The following RAB35 variants were observed in gnomAD, a reference collection of about 807,000 sequenced individuals.
RAB35 encodes ras-related protein Rab-35.
A neutral mutation model predicts 28.9 loss-of-function variants in RAB35; 4 were observed. That is an observed-to-expected ratio of 0.14 (90% confidence interval 0.07 to 0.32). The LOEUF (loss-of-function observed/expected upper bound fraction) is 0.32. Ranked by LOEUF, RAB35 falls within the 10% of genes least tolerant of loss-of-function variation. RAB35 has a pLI of 1.00. For missense variants in RAB35, 128 were observed against 274.0 expected, an observed-to-expected ratio of 0.47 and a Z score of 3.76; for synonymous variants, 99 against 105.1, an observed-to-expected ratio of 0.94 and a Z score of 0.35.
intron 2 of RAB35, among the ~76,000 whole-genome samples, chr12:120,105,916 CAAAAAAAAAAAA>C (rs61681731): frequency 2.0e-5 from 1 of 49,816 alleles, no homozygotes; most frequent in Non-Finnish European, 4.6e-5. Flanking sequence ...GACTCCGTCT[CAAAAAAAAAAAA>C]AAAAAAAAAA....
chr12:120,098,785 A>G, intron 5 of RAB35, 26 bp downstream of exon 5: 1 of 1,613,572 alleles, frequency 6.2e-7, no homozygotes, highest in Non-Finnish European at 8.5e-7. Context: ...GGTGTGTGGC[A>G]GAGCCACAGT....
intron 1 of RAB35, among the ~76,000 whole-genome samples, chr12:120,112,960 G>A (rs1369936778): frequency 1.3e-5 from 2 of 149,146 alleles, no homozygotes; most frequent in Non-Finnish European, 3.0e-5. Context: ...GCACGATCTC[G>A]GCTCACTGCA....
intron 2 of RAB35, among the ~76,000 whole-genome samples, chr12:120,107,116 G>T (rs1019870703): frequency 1.1e-4 from 16 of 151,972 alleles, no homozygotes; most frequent in African/African-American, 3.4e-4. Flanking sequence ...AGCCTCCCCA[G>T]TCGCTAGGAT....
intron 2 of RAB35, among the ~76,000 whole-genome samples, chr12:120,106,591 CTTT>C (rs10709764): frequency 1.4e-4 from 14 of 102,732 alleles, no homozygotes; most frequent in Admixed American, 4.2e-4. Flanking sequence ...CTTTCTTTTT[CTTT>C]TTTTTTTTTT....
intron 1 of RAB35, among the ~76,000 whole-genome samples, chr12:120,109,627 T>G (rs900783974): frequency 6.0e-5 from 9 of 150,734 alleles, no homozygotes; most frequent in Middle Eastern, 3.5e-3. Context: ...TTATTTTTAG[T>G]AGGGACAGAG....
At chr12:120,112,042 G>A (rs966297990) in intron 1 of RAB35, among the ~76,000 whole-genome samples, 5 of 150,868 alleles carry the variant, frequency 3.3e-5, no homozygotes, top group African/African-American at 7.3e-5. Context: ...GTACGGTGGC[G>A]CGATCTTGGC....
At chr12:120,100,828 G>A (rs575778544) in intron 3 of RAB35, among the ~76,000 whole-genome samples, 59 of 152,336 alleles carry the variant, frequency 3.9e-4, no homozygotes, top group Middle Eastern at 3.4e-3. Flanking sequence ...TGCTGAGAGC[G>A]CCGGGTCAGC....
At chr12:120,098,615 GTATAATTGTACC>G (rs1218565196) in intron 5 of RAB35, among the ~76,000 whole-genome samples, 184 bp downstream of exon 5, 1 of 152,240 alleles carries the variant, frequency 6.6e-6, no homozygotes, top group Non-Finnish European at 1.5e-5. Flanking sequence ...TGAAATGTGG[GTATAATTGTACC>G]TACCTCAGAG....
chr12:120,108,728 TGG>T, intron 1 of RAB35: 1 of 631,908 alleles, frequency 1.6e-6, no homozygotes, highest in Non-Finnish European at 2.9e-6. Flanking sequence ...AGAAAGGGAC[TGG>T]TGCCCAGGCC....
intron 2 of RAB35, among the ~76,000 whole-genome samples, chr12:120,107,730 G>A (rs1011652781): frequency 3.5e-4 from 53 of 151,834 alleles, no homozygotes; most frequent in African/African-American, 1.1e-3. Flanking sequence ...AGTCGGGCGT[G>A]GTGGCAGGTG....
rs776008431 is a variant in RAB35, at chr12:120,096,461, G to C, written c.*784C>G. On this transcript the variant is annotated 3_prime_UTR_variant, in exon 6 of 6. Transcript: ENST00000229340. The stretch of plus-strand genomic sequence containing the variant: ...CCCCCTGCCAGCCCCATCTCTGCAC[G>C]AACCTACCCCGACCTTTCTGTTGGA... The C allele has an allele frequency of 3.9e-5, 50 of 1,289,626 alleles. No homozygotes were observed. The African/African-American group carries it at 6.2e-4, about 16-fold the overall frequency. 79.9% of individuals were successfully genotyped at this position (1,289,626 alleles called of 1,614,324 possible).
intron 2 of RAB35, among the ~76,000 whole-genome samples, chr12:120,105,748 C>T (rs1355965676): frequency 6.6e-6 from 1 of 151,838 alleles, no homozygotes; most frequent in Non-Finnish European, 1.5e-5. Context: ...ATGGTAAAAC[C>T]CCGTCTCTAC....
Position 120,097,022 on chromosome 12 carries a change from C to G in RAB35, c.*223G>C. 6.6e-7 allele frequency: 1 copy of G among 1,512,808 alleles called. No individual in the cohort carries two copies. Among genetic ancestry groups the G allele is most frequent in the South Asian group, 1.2e-5 (1 of 83,246 alleles). The allele number at this position is 1,512,808 out of a possible 1,614,324, so 93.7% of individuals were successfully genotyped here. On this transcript the variant is annotated 3_prime_UTR_variant, in exon 6 of 6. Coordinates refer to ENST00000229340, the MANE Select transcript of RAB35 (RefSeq NM_006861.7). Reference sequence around the variant, plus strand: ...CCTCGCCAGGTCCAGGCGCCTTGGCCGGGGAGGAGGGGGCACCAGTAGGGA... The same window carrying G: ...CCTCGCCAGGTCCAGGCGCCTTGGCGGGGGAGGAGGGGGCACCAGTAGGGA...
chr12:120,097,945 G>A (rs1471787735), intron 5 of RAB35, among the ~76,000 whole-genome samples: 2 of 148,644 alleles, frequency 1.3e-5, no homozygotes, highest in African/African-American at 2.5e-5. Context: ...GTGCAGTGGC[G>A]TGATCTCAGC....
chr12:120,111,731 A>G lies in RAB35; in HGVS notation c.53-3264T>C, dbSNP rs112410820. 5.9e-3 allele frequency among the ~76,000 whole-genome samples: 891 copies of G among 151,732 alleles called. 14 individuals are homozygous for G. Among genetic ancestry groups the G allele is most frequent in the African/African-American group, 0.021 (852 of 41,364 alleles). On this transcript the variant is annotated intron_variant, in intron 1 of 5. Transcript: ENST00000229340. Reference sequence around the variant, plus strand: ...GAAAGACCACAACCATCACCACATTATCTGCTGCTTTGGACCTGACACCAA... The same window carrying G: ...GAAAGACCACAACCATCACCACATTGTCTGCTGCTTTGGACCTGACACCAA...
At chr12:120,098,750 C>A in intron 5 of RAB35, 61 bp downstream of exon 5, 1 of 1,605,902 alleles carries the variant, frequency 6.2e-7, no homozygotes, top group Non-Finnish European at 8.5e-7. Flanking sequence ...TCAAGCAGGC[C>A]AGCAGCATGG....
intron 5 of RAB35, among the ~76,000 whole-genome samples, chr12:120,098,033 A>AC: frequency 6.6e-6 from 1 of 151,926 alleles, no homozygotes; most frequent in East Asian, 1.9e-4. Context: ...ACAGGCGCCC[A>AC]CCACCACGCC....
chr12:120,099,933 G>C (rs1233499672), intron 3 of RAB35, among the ~76,000 whole-genome samples: 1 of 152,216 alleles, frequency 6.6e-6, no homozygotes, highest in Non-Finnish European at 1.5e-5. Context: ...CCGGAGGCCA[G>C]GCGGCAGCCC....
Position 120,108,573 on chromosome 12 carries a change from T to C in RAB35, c.53-106A>G, listed in dbSNP as rs1025705319. ...GCCTCAGTCCCAACTCTTAAGAAGC[T>C]CGGTGGGACCCAGCTCACTTCTCAA... On this transcript the variant is annotated intron_variant, in intron 1 of 5. Transcript: ENST00000229340. 2.9e-6 allele frequency: 3 copies of C among 1,022,932 alleles called. No individual in the cohort carries two copies. In the African/African-American group the frequency reaches 4.8e-5, roughly 16 times the overall value. 63.4% of individuals were successfully genotyped at this position (1,022,932 alleles called of 1,614,324 possible).
Sources: allele counts gnomAD v4.1 joint callset (sites outside exome capture counted in the v4.1 genomes callset), GRCh38; gene constraint gnomAD v4.1.1; transcripts MANE v1.5; gene names NCBI Gene and HGNC (gene_info 2026-07-23, HGNC 2026-07-21).